Variants in HOXB3 observed in about 807,000 individuals in gnomAD.
The protein encoded by HOXB3 is homeobox protein Hox-B3.
In HOXB3, 17 loss-of-function variants were observed where a neutral mutation model predicts 29.2. That is an observed-to-expected ratio of 0.58 (90% confidence interval 0.40 to 0.87). The LOEUF is 0.87. Ranked by LOEUF, HOXB3 falls within the 40% of genes least tolerant of loss-of-function variation. The probability of loss-of-function intolerance (pLI) is 0.00; values close to 1 mark genes in which losing one functional copy is unlikely to be tolerated. For missense variants in HOXB3, 637 were observed against 616.3 expected (o/e 1.03, Z -0.35); for synonymous variants, 317 against 285.9 (o/e 1.11, Z -1.10).
intron 1 of HOXB3, among the ~76,000 whole-genome samples, chr17:48,584,435 T>C (rs1445260420): frequency 1.3e-5 from 2 of 152,196 alleles, no homozygotes; most frequent in Non-Finnish European, 2.9e-5. Context: ...TAAGGGTTCT[T>C]GAAAACAGGC....
rs1597810343 is a variant in HOXB3, at chr17:48,552,126, A to C, written c.349T>G (p.Cys117Gly). The C allele has an allele frequency of 6.2e-7, 1 of 1,613,778 alleles. No individual in the cohort carries two copies. Among genetic ancestry groups the C allele is most frequent in the South Asian group, 1.1e-5 (1 of 91,040 alleles). Reference sequence around the variant, plus strand: ...AGGGTGGAGTTGGTGCCGGGACCGCACTTTGGGGGACCACTTTTGCTGGGC... The same window carrying C: ...AGGGTGGAGTTGGTGCCGGGACCGCCCTTTGGGGGACCACTTTTGCTGGGC... ...GGPSKSGPPKCGPGTNSTLTK... is the reference protein window; with the variant it reads ...GGPSKSGPPKGGPGTNSTLTK... The change falls in exon 4 of 5, where the codon TGC becomes GGC. Residue 117 changes from cysteine (C) to glycine (G), a missense_variant. Coordinates refer to ENST00000498678, the MANE Select transcript of HOXB3 (RefSeq NM_001384749.1).
At chr17:48,555,288 G>C (rs1414542658) in intron 3 of HOXB3, 2 of 549,242 alleles carry the variant, frequency 3.6e-6, no homozygotes, top group African/African-American at 2.0e-5. Context: ...AAAAGAGAGA[G>C]AGGAGAAAAG....
Position 48,552,457 on chromosome 17 carries a change from G to A in HOXB3, c.18C>T (p.Tyr6=), listed in dbSNP as rs201832249. 43 of 1,572,122 alleles carry A rather than the reference G, an allele frequency of 2.7e-5. No homozygotes were observed. Among genetic ancestry groups the A allele is most frequent in the Admixed American group, 8.7e-5 (5 of 57,402 alleles). Reference sequence around the variant, plus strand: ...AGAGAGCAGCCGCGGCGTTGTCGTAGTAGGTGGCTTTCTGCATCGCTGGGT... The same window carrying A: ...AGAGAGCAGCCGCGGCGTTGTCGTAATAGGTGGCTTTCTGCATCGCTGGGT... MQKAT[Y]YDNAAAALFG... Residue 6 remains tyrosine (Y), a synonymous_variant, in exon 4 of 5, where the codon TAC becomes TAT. Coordinates refer to ENST00000498678, the MANE Select transcript of HOXB3 (RefSeq NM_001384749.1).
chr17:48,562,405 C>T (rs2069230089), intron 2 of HOXB3, among the ~76,000 whole-genome samples: 1 of 152,082 alleles, frequency 6.6e-6, no homozygotes, highest in Non-Finnish European at 1.5e-5. Flanking sequence ...GACAAAGTTC[C>T]ACGCTCTGCT....
intron 1 of HOXB3, chr17:48,578,444 C>G (rs1202745344): frequency 3.1e-6 from 4 of 1,272,464 alleles, no homozygotes; most frequent in Non-Finnish European, 4.2e-6. Flanking sequence ...CGTGATCCTC[C>G]GAGCCAATGG....
intron 2 of HOXB3, among the ~76,000 whole-genome samples, chr17:48,570,408 G>C (rs946172511): frequency 6.6e-6 from 1 of 152,208 alleles, no homozygotes; most frequent in African/African-American, 2.4e-5. Context: ...AAGCAGAAAA[G>C]ACATTCCTGA....
In HOXB3 at chr17:48,552,547, C is replaced by T. The variant is rs1053626549; in HGVS notation, c.-73G>A. The T allele has an allele frequency of 2.7e-5, 33 of 1,244,402 alleles. 1 individual carries two copies. The Admixed American group carries it at 8.8e-4, about 33-fold the overall frequency. The allele number at this position is 1,244,402 out of a possible 1,614,324, so 77.1% of individuals were successfully genotyped here. A position where few individuals can be genotyped will look rare whatever the true frequency, so the allele number is the denominator to read the frequency against. ...ACCCTCAGGACCGGACATTGGCAAC[C>T]CTGGGGGTCACGTGACACGCCGGAC... On this transcript the variant is annotated 5_prime_UTR_variant, in exon 4 of 5. Coordinates refer to ENST00000498678, the MANE Select transcript of HOXB3 (RefSeq NM_001384749.1).
rs75571143 is a variant in HOXB3, at chr17:48,549,449, G to GAACA, written c.*884_*885insTGTT. The GAACA allele has an allele frequency of 6.6e-6, 1 of 152,112 alleles. No homozygotes were observed. Among genetic ancestry groups the GAACA allele is most frequent in the Admixed American group, 6.6e-5 (1 of 15,230 alleles). 9.4% of individuals were successfully genotyped at this position (152,112 alleles called of 1,614,324 possible). On this transcript the variant is annotated 3_prime_UTR_variant, in exon 5 of 5. Transcript: ENST00000498678. ...ACAGGCCCTGCCCAGCCCCTGCCTG[G>GAACA]GACAGTTTGTTCAAATATACCCTGT...
intron 2 of HOXB3, among the ~76,000 whole-genome samples, chr17:48,570,475 T>G (rs866634496): frequency 6.6e-6 from 1 of 152,072 alleles, no homozygotes; most frequent in Non-Finnish European, 1.5e-5. Context: ...GACCACAGCC[T>G]CCGGGGCAGG....
intron 2 of HOXB3, among the ~76,000 whole-genome samples, chr17:48,571,601 C>T (rs1184973025): frequency 6.6e-6 from 1 of 152,222 alleles, no homozygotes; most frequent in Admixed American, 6.5e-5. Context: ...GGGCCCTAAT[C>T]CTCACATTGC....
chr17:48,584,737 A>C (rs578245983), intron 1 of HOXB3, among the ~76,000 whole-genome samples: 1 of 152,116 alleles, frequency 6.6e-6, no homozygotes, highest in South Asian at 2.1e-4. Context: ...ACTCACCACC[A>C]CCACCACCAG....
At chr17:48,559,092 C>T (rs1396139416) in intron 2 of HOXB3, among the ~76,000 whole-genome samples, 1 of 152,080 alleles carries the variant, frequency 6.6e-6, no homozygotes, top group Non-Finnish European at 1.5e-5. Flanking sequence ...ATCTTTTCCT[C>T]TTCCATTCCG....
rs183069540 is a variant in HOXB3, at chr17:48,566,321, C to T, written c.-247+7516G>A. Among the ~76,000 whole-genome samples, 50 of 152,188 alleles carry T rather than the reference C, an allele frequency of 3.3e-4. 1 individual carries two copies. The East Asian group carries it at 7.3e-3, about 22-fold the overall frequency. On this transcript the variant is annotated intron_variant, in intron 2 of 4. Coordinates refer to ENST00000498678, the MANE Select transcript of HOXB3 (RefSeq NM_001384749.1). ...TGGGGGATTTACCAGATAATGGTGG[C>T]AAGGGATGGTCCCCTTGCTTTGTCT...
intron 1 of HOXB3, among the ~76,000 whole-genome samples, chr17:48,583,693 C>T (rs1177021639): frequency 6.6e-6 from 1 of 152,190 alleles, no homozygotes; most frequent in African/African-American, 2.4e-5. Flanking sequence ...CCAGTCTATA[C>T]CTAAATTTGC....
Position 48,554,372 on chromosome 17 carries a change from CAAT to C in HOXB3, c.-159+1156_-159+1158del, listed in dbSNP as rs2068877412. 2.1e-6 allele frequency: 1 copy of C among 485,882 alleles called. No homozygotes were observed. The highest frequency in any genetic ancestry group is 3.7e-6 in the Non-Finnish European group (1 of 271,248). 30.1% of individuals were successfully genotyped at this position (485,882 alleles called of 1,614,324 possible). A position where few individuals can be genotyped will look rare whatever the true frequency, so the allele number is the denominator to read the frequency against. On this transcript the variant is annotated intron_variant, in intron 3 of 4. Transcript: ENST00000498678. The surrounding 1 kb of genome is among the most constrained non-coding windows in gnomAD (Gnocchi z 4.1). ...GATGATGATAGTAATAATAATAAAA[CAAT>C]AATTTAACTAGATGCCTGGGGCCGA...
intron 2 of HOXB3, among the ~76,000 whole-genome samples, chr17:48,564,469 C>T (rs2069318937): frequency 6.6e-6 from 1 of 152,230 alleles, no homozygotes; most frequent in African/African-American, 2.4e-5. Flanking sequence ...CCTCCAGGGC[C>T]CCAGGAGCGC....
At chr17:48,568,379 T>G (rs2069460061) in intron 2 of HOXB3, among the ~76,000 whole-genome samples, 1 of 152,184 alleles carries the variant, frequency 6.6e-6, no homozygotes, top group Non-Finnish European at 1.5e-5. Flanking sequence ...TCGCTTTAAT[T>G]GATAATCACA....
intron 2 of HOXB3, among the ~76,000 whole-genome samples, chr17:48,568,206 C>G (rs1397375894): frequency 6.6e-6 from 1 of 152,184 alleles, no homozygotes; most frequent in Admixed American, 6.5e-5. Flanking sequence ...GTTGGAGAAG[C>G]CAAACTCCTG....
intron 1 of HOXB3, chr17:48,576,483 A>C (rs917072132): frequency 5.1e-6 from 2 of 393,346 alleles, no homozygotes; most frequent in Admixed American, 4.4e-5. Context: ...TTTAAGAAAG[A>C]AAGCAAGAGA....
Sources: allele counts gnomAD v4.1 joint callset (sites outside exome capture counted in the v4.1 genomes callset), GRCh38; gene constraint gnomAD v4.1.1; non-coding constraint Gnocchi (gnomAD v3.1); transcripts MANE v1.5; gene names NCBI Gene and HGNC (gene_info 2026-07-23, HGNC 2026-07-21).